The following VRTN variants were observed in gnomAD, a reference collection of about 807,000 sequenced individuals.
VRTN encodes the protein vertebrae development associated, also known as vertnin.
A neutral mutation model predicts 18.2 loss-of-function variants in VRTN; 5 were observed. That is an observed-to-expected ratio of 0.27 (90% CI 0.14 to 0.58). The LOEUF is 0.58. Among genes scored for constraint, VRTN ranks in the 20% least tolerant of loss-of-function variants. The pLI is 0.91. For missense variants in VRTN, 741 were observed against 939.4 expected (o/e 0.79, Z 2.76); for synonymous variants, 381 against 393.7 (o/e 0.97, Z 0.38).
intron 1 of VRTN, among the ~76,000 whole-genome samples, chr14:74,318,507 G>C (rs995191134): frequency 1.3e-5 from 2 of 152,142 alleles, no homozygotes; most frequent in African/African-American, 4.8e-5. Context: ...CCAACCTCAG[G>C]TGATCCGCCT....
chr14:74,313,749 G>C (rs1338998663), intron 1 of VRTN, among the ~76,000 whole-genome samples: 3 of 152,196 alleles, frequency 2.0e-5, no homozygotes, highest in African/African-American at 7.2e-5. Context: ...GGTAAGCTGA[G>C]ACAGGAAGAT....
chr14:74,352,082 C>A (rs763313957), intron 1 of VRTN, among the ~76,000 whole-genome samples: 12 of 151,802 alleles, frequency 7.9e-5, no homozygotes, highest in Non-Finnish European at 1.2e-4. Context: ...GATCTCTTGA[C>A]CTTGTGATCC....
chr14:74,347,219 G>A (rs537918336), upstream of VRTN, among the ~76,000 whole-genome samples: 3 of 152,258 alleles, frequency 2.0e-5, no homozygotes, highest in South Asian at 6.2e-4. Context: ...GGCTGGGAGG[G>A]GTTAAACAAT....
chr14:74,321,488 T>C (rs2085455514), intron 1 of VRTN, among the ~76,000 whole-genome samples: 1 of 151,372 alleles, frequency 6.6e-6, no homozygotes, highest in Admixed American at 6.6e-5. Flanking sequence ...GCCCACATTC[T>C]TGCTCTCTTT....
chr14:74,355,664 AG>A (rs2140213932), intron 1 of VRTN, among the ~76,000 whole-genome samples: 1 of 152,136 alleles, frequency 6.6e-6, no homozygotes, highest in African/African-American at 2.4e-5. Context: ...CCTCCTGAGT[AG>A]CTGAGATTAC....
intron 1 of VRTN, among the ~76,000 whole-genome samples, chr14:74,314,905 TA>T (rs2085410417): frequency 6.6e-6 from 1 of 152,152 alleles, no homozygotes; most frequent in South Asian, 2.1e-4. Context: ...ATGAAGGTCT[TA>T]TGGTCTATTT....
intron 1 of VRTN, among the ~76,000 whole-genome samples, chr14:74,304,359 T>C (rs1198969463): frequency 6.6e-6 from 1 of 152,110 alleles, no homozygotes; most frequent in East Asian, 1.9e-4. Flanking sequence ...TTTCTCCATG[T>C]TGGTCAGGCT....
At chr14:74,305,756 C>T (rs770392206) in intron 1 of VRTN, 3 of 152,198 alleles carry the variant, frequency 2.0e-5, no homozygotes, top group Non-Finnish European at 4.4e-5. Flanking sequence ...CTGCCTCAGC[C>T]TCCTGAGTAG....
At chr14:74,311,710 G>A (rs563364799) in intron 1 of VRTN, among the ~76,000 whole-genome samples, 6 of 148,842 alleles carry the variant, frequency 4.0e-5, no homozygotes, top group Admixed American at 2.0e-4. Flanking sequence ...GCTCCCGGCC[G>A]CAGCTTTCTT....
At position 74,307,911 on chromosome 14, in the gene VRTN, G is replaced by A. The variant is rs192783884; in HGVS notation, c.-164+4735G>A. Among the ~76,000 whole-genome samples, 9 of 152,038 alleles carry A rather than the reference G, an allele frequency of 5.9e-5. No individual in the cohort carries two copies. In the East Asian group the frequency reaches 1.7e-3, roughly 29 times the overall value. On this transcript the variant is annotated intron_variant, in intron 1 of 2. Transcript: ENST00000557177. ...CGCCTGGCTAATTTTTGTATTTTTA[G>A]TAGAGACAGGGTTTCACCATATTGG...
chr14:74,311,292 C>A (rs1430390463), intron 1 of VRTN, among the ~76,000 whole-genome samples: 1 of 152,094 alleles, frequency 6.6e-6, no homozygotes, highest in Non-Finnish European at 1.5e-5. Flanking sequence ...TTCACAGCTT[C>A]TTAGGAATCT....
chr14:74,355,469 A>C (rs1376386632), intron 1 of VRTN, among the ~76,000 whole-genome samples: 1 of 152,108 alleles, frequency 6.6e-6, no homozygotes, highest in Non-Finnish European at 1.5e-5. Context: ...GATTACACCC[A>C]GTATTGAAAA....
chr14:74,329,455 G>A (rs896437562), intron 1 of VRTN, among the ~76,000 whole-genome samples: 2 of 151,970 alleles, frequency 1.3e-5, no homozygotes, highest in Non-Finnish European at 2.9e-5. Context: ...GTAGAGATGA[G>A]GTTTTGCAAT....
intron 1 of VRTN, chr14:74,306,548 A>G (rs942020744): frequency 6.6e-6 from 1 of 150,950 alleles, no homozygotes; most frequent in Non-Finnish European, 1.5e-5. Flanking sequence ...GCCATATAAA[A>G]CCTATACTGT....
At chr14:74,356,334 C>A (rs1052390469) in intron 1 of VRTN, among the ~76,000 whole-genome samples, 5 of 151,858 alleles carry the variant, frequency 3.3e-5, no homozygotes, top group Non-Finnish European at 1.5e-5. Flanking sequence ...CAGGCTCTTG[C>A]CACTATGCCT....
At chr14:74,304,376 G>A (rs1006179186) in intron 1 of VRTN, among the ~76,000 whole-genome samples, 4 of 152,176 alleles carry the variant, frequency 2.6e-5, no homozygotes, top group South Asian at 2.1e-4. Context: ...GGCTGGTCTC[G>A]AACTCCCGAC....
rs1555411029 is a variant in VRTN, at chr14:74,331,219, T to TAAATAAAC, written c.-163-6501_-163-6500insTAAACAAA. 9.0e-5 allele frequency among the ~76,000 whole-genome samples: 13 copies of TAAATAAAC among 144,170 alleles called. No individual in the cohort carries two copies. The South Asian group carries it at 1.1e-3, about 13-fold the overall frequency. The allele number at this position is 144,170 out of a possible 152,430, so 94.6% of individuals were successfully genotyped here. ...TCCGTCTCAAAAATAAATAAATAAATAAACAAACAAACAAACCACAAGTCT... is the reference window on the plus strand; with the variant it reads ...TCCGTCTCAAAAATAAATAAATAAATAAATAAACAAACAAACAAACAAACCACAAGTCT... On this transcript the variant is annotated intron_variant, in intron 1 of 2. Coordinates refer to the VRTN transcript ENST00000557177.
At chr14:74,344,733 T>TAAAAAAGAAAAAAAAA (rs2085631734), upstream of VRTN, among the ~76,000 whole-genome samples, 1 of 54,090 alleles carries the variant, frequency 1.8e-5, no homozygotes, top group African/African-American at 1.2e-4. Context: ...AGACTCTGAC[T>TAAAAAAGAAAAAAAAA]AAAAAAAAAA....
intron 1 of VRTN, among the ~76,000 whole-genome samples, chr14:74,321,505 C>CTTTT: frequency 7.7e-6 from 1 of 129,124 alleles, no homozygotes; most frequent in Non-Finnish European, 1.6e-5. Context: ...CTTTCATTTG[C>CTTTT]TTTTTTTTTT....
Sources: gnomAD v4.1 joint callset for allele counts (sites outside exome capture counted in the v4.1 genomes callset) on GRCh38, gnomAD v4.1.1 for gene constraint, MANE v1.5 for transcripts, NCBI Gene and HGNC (gene_info 2026-07-23, HGNC 2026-07-21) for gene names.